Variants in DAB1 observed in about 807,000 individuals in gnomAD.
DAB1 encodes DAB adaptor protein 1, also known as disabled homolog 1.
Under a neutral mutation model 64.6 loss-of-function variants are expected in DAB1, and 15 were observed. The ratio of observed to expected loss-of-function variants is 0.23; its 90% CI spans 0.16 to 0.36. The LOEUF is 0.36. Ranked by LOEUF, DAB1 falls within the 10% of genes least tolerant of loss-of-function variation. DAB1 has a pLI of 1.00. For missense variants in DAB1, 596 were observed against 706.7 expected (o/e 0.84, Z 1.78); for synonymous variants, 235 against 251.9 (o/e 0.93, Z 0.64).
At chr1:57,635,180 A>G (rs1253116562) in intron 7 of DAB1, among the ~76,000 whole-genome samples, 4 of 152,212 alleles carry the variant, frequency 2.6e-5, no homozygotes, top group South Asian at 2.1e-4. Flanking sequence ...TTAAGCCCCA[A>G]TGCAAACATG....
intron 7 of DAB1, among the ~76,000 whole-genome samples, chr1:57,596,098 T>C (rs533586085): frequency 1.3e-5 from 2 of 152,354 alleles, no homozygotes; most frequent in African/African-American, 4.8e-5. Flanking sequence ...GTTCTTGTTC[T>C]GCCTTTGTTA....
At chr1:57,305,936 T>G (rs943471787) in intron 1 of DAB1, among the ~76,000 whole-genome samples, 2 of 134,754 alleles carry the variant, frequency 1.5e-5, no homozygotes, top group Non-Finnish European at 3.0e-5. Context: ...GCCACTGCAC[T>G]CCAGCCTGGG....
chr1:57,130,474 C>G (rs1212048263), intron 4 of DAB1, among the ~76,000 whole-genome samples: 1 of 152,074 alleles, frequency 6.6e-6, no homozygotes, highest in Non-Finnish European at 1.5e-5. Flanking sequence ...TTCACTGTAG[C>G]ATTATTCATG....
At chr1:57,145,798 G>C (rs1189063367) in intron 2 of DAB1, among the ~76,000 whole-genome samples, 3 of 152,190 alleles carry the variant, frequency 2.0e-5, no homozygotes, top group African/African-American at 7.2e-5. Flanking sequence ...AAGAGTTCAT[G>C]TCCGAAATTG....
At chr1:57,651,788 G>A (rs919147105) in intron 6 of DAB1, among the ~76,000 whole-genome samples, 1 of 152,176 alleles carries the variant, frequency 6.6e-6, no homozygotes, top group Non-Finnish European at 1.5e-5. Context: ...CATAAAGTAT[G>A]CTAAGCAATA....
At position 57,106,512 on chromosome 1, in the gene DAB1, G is replaced by C. The variant is rs368182754; in HGVS notation, c.306+30031C>G. Among the ~76,000 whole-genome samples, 41 of 152,248 alleles carry C rather than the reference G, an allele frequency of 2.7e-4. 1 individual carries two copies. Among genetic ancestry groups the C allele is most frequent in the East Asian group, 9.7e-4 (5 of 5,170 alleles). The stretch of plus-strand genomic sequence containing the variant: ...ATGTGGGTCTGGATCAGTCCCAAAG[G>C]GATCCAGTTGATGGGGTGGAGCTTG... On this transcript the variant is annotated intron_variant, in intron 4 of 14. Coordinates refer to ENST00000371236, the MANE Select transcript of DAB1 (RefSeq NM_001365792.1).
intron 5 of DAB1, among the ~76,000 whole-genome samples, chr1:57,981,488 T>C (rs533570880): frequency 3.3e-5 from 5 of 152,206 alleles, no homozygotes; most frequent in Admixed American, 1.3e-4. Context: ...CTAAATTGTA[T>C]GTACAGCAGT....
chr1:57,314,176 C>CA (rs1305149438), intron 1 of DAB1, among the ~76,000 whole-genome samples: 1 of 152,196 alleles, frequency 6.6e-6, no homozygotes, highest in Non-Finnish European at 1.5e-5. Flanking sequence ...CAAAATATCC[C>CA]AATAGCTATG....
chr1:57,476,695 C>T (rs572827669), intron 7 of DAB1, among the ~76,000 whole-genome samples: 1 of 152,280 alleles, frequency 6.6e-6, no homozygotes, highest in Non-Finnish European at 1.5e-5. Context: ...GATAACACAA[C>T]TTAGTGTGGG....
At chr1:58,125,058 G>A (rs1189262442) in intron 5 of DAB1, among the ~76,000 whole-genome samples, 1 of 151,908 alleles carries the variant, frequency 6.6e-6, no homozygotes, top group African/African-American at 2.4e-5. Flanking sequence ...GGATATGTAT[G>A]TGATAACAAC....
intron 2 of DAB1, among the ~76,000 whole-genome samples, chr1:57,222,342 G>A (rs1666944394): frequency 6.6e-6 from 1 of 152,164 alleles, no homozygotes. Flanking sequence ...GTGCTTTAGT[G>A]TGGTGGACAA....
chr1:57,226,670 A>ATATATAT (rs1553158272), intron 2 of DAB1, among the ~76,000 whole-genome samples: 1 of 119,504 alleles, frequency 8.4e-6, no homozygotes, highest in African/African-American at 4.0e-5. Context: ...GGTTAAAAAA[A>ATATATAT]AAATATATAT....
chr1:57,002,075 G>A (rs1645889149), intron 14 of DAB1, among the ~76,000 whole-genome samples: 1 of 152,136 alleles, frequency 6.6e-6, no homozygotes, highest in African/African-American at 2.4e-5. Context: ...AGTGGAAGTT[G>A]GCAAATAGTT....
At chr1:58,192,832 G>T (rs1411161517) in intron 4 of DAB1, among the ~76,000 whole-genome samples, 1 of 152,118 alleles carries the variant, frequency 6.6e-6, no homozygotes, top group Non-Finnish European at 1.5e-5. Flanking sequence ...CCAGTAGTGG[G>T]ATTGCTAGAT....
chr1:57,535,326 A>G (rs545833203), intron 7 of DAB1, among the ~76,000 whole-genome samples: 211 of 152,274 alleles, frequency 1.4e-3, no homozygotes, highest in Non-Finnish European at 2.5e-3. Flanking sequence ...ACAAGTGAAA[A>G]ATATATTTTT....
intron 5 of DAB1, among the ~76,000 whole-genome samples, chr1:57,918,756 A>G (rs935533125): frequency 6.6e-6 from 1 of 152,076 alleles, no homozygotes; most frequent in South Asian, 2.1e-4. Flanking sequence ...CCCAGGAGGC[A>G]GAGCTTGCGG....
chr1:57,501,900 A>C (rs1558439600), intron 7 of DAB1, among the ~76,000 whole-genome samples: 1 of 152,128 alleles, frequency 6.6e-6, no homozygotes, highest in Non-Finnish European at 1.5e-5. Flanking sequence ...TGGGGCCCCA[A>C]ATTGAGGCAG....
chr1:57,839,453 G>T (rs1652956673), intron 1 of DAB1, among the ~76,000 whole-genome samples: 1 of 152,132 alleles, frequency 6.6e-6, no homozygotes, highest in South Asian at 2.1e-4. Context: ...TTTATAATTA[G>T]TATTTTTTGT....
intron 7 of DAB1, among the ~76,000 whole-genome samples, chr1:57,468,489 G>T (rs888509943): frequency 2.0e-5 from 3 of 152,166 alleles, no homozygotes; most frequent in Non-Finnish European, 2.9e-5. Context: ...ATAGAATTTT[G>T]AGGGAAATAG....
Sources: allele counts gnomAD v4.1 joint callset (sites outside exome capture counted in the v4.1 genomes callset), GRCh38; gene constraint gnomAD v4.1.1; transcripts MANE v1.5; gene names NCBI Gene and HGNC (gene_info 2026-07-23, HGNC 2026-07-21).